The following CABIN1 variants were observed in gnomAD, a reference collection of about 807,000 sequenced individuals.
CABIN1 encodes calcineurin-binding protein cabin-1.
A neutral mutation model predicts 227.7 loss-of-function variants in CABIN1; 133 were observed. That is an observed-to-expected ratio of 0.58 (90% confidence interval 0.51 to 0.67). The LOEUF is 0.67. CABIN1 is among the 30% of genes least tolerant of loss of function. The pLI is 0.00. For missense variants in CABIN1, 2,408 were observed against 2,852.5 expected, an observed-to-expected ratio of 0.84 and a Z score of 3.55; for synonymous variants, 1,086 against 1,155.1, an observed-to-expected ratio of 0.94 and a Z score of 1.21.
intron 15 of CABIN1, among the ~76,000 whole-genome samples, chr22:24,065,139 C>CG (rs2039534906): frequency 7.0e-6 from 1 of 142,644 alleles, no homozygotes; most frequent in South Asian, 2.3e-4. Context: ...GCTGGCCGGG[C>CG]GGGGGCTGAC....
At chr22:24,122,346 CA>C (rs1213139686) in intron 28 of CABIN1, among the ~76,000 whole-genome samples, 1 of 152,048 alleles carries the variant, frequency 6.6e-6, no homozygotes, top group Non-Finnish European at 1.5e-5. Flanking sequence ...TGGCTTTTTT[CA>C]GATCTTAGAA....
intron 1 of CABIN1, among the ~76,000 whole-genome samples, chr22:24,028,228 C>T (rs997726805): frequency 1.3e-5 from 2 of 152,280 alleles, no homozygotes; most frequent in South Asian, 2.1e-4. Flanking sequence ...ATGACACTTA[C>T]CAACTTTCTT....
chr22:24,085,229 G>C, intron 22 of CABIN1, 78 bp downstream of exon 22: 1 of 1,497,268 alleles, frequency 6.7e-7, no homozygotes, highest in Non-Finnish European at 9.3e-7. Context: ...TCTTCAGTGG[G>C]CCACTTTGGG....
chr22:24,169,259 G>A (rs1391914070), intron 33 of CABIN1, among the ~76,000 whole-genome samples: 1 of 152,144 alleles, frequency 6.6e-6, no homozygotes, highest in East Asian at 1.9e-4. Flanking sequence ...CAAGCCAGAG[G>A]GTAGGTGGCA....
At position 24,134,346 on chromosome 22, in the gene CABIN1, G is replaced by A. The variant is rs145636161; in HGVS notation, c.4677G>A (p.Pro1559=). 14 of 1,614,050 alleles carry A rather than the reference G, an allele frequency of 8.7e-6. No individual in the cohort carries two copies. Among genetic ancestry groups the A allele is most frequent in the African/African-American group, 1.3e-5 (1 of 74,942 alleles). The change falls in exon 29 of 37, where the codon CCG becomes CCA. Residue 1559 remains proline, a synonymous_variant. Transcript: ENST00000263119. The part of the protein sequence containing the change: ...ARDVLLGSSI[P]WQQLQHMPAQ... ...ACGTGTTGCTAGGCAGCAGTATCCC[G>A]TGGCAACAACTGCAGCACATGCCGG...
In CABIN1 at chr22:24,169,078, G is replaced by A. The variant is rs148504335; in HGVS notation, c.5757+557G>A. ...TCCAGGCCAGGGCTGGGGAGGGGGG[G>A]GCGGGGTCCAAGATATGGCAGGGAG... On this transcript the variant is annotated intron_variant, in intron 33 of 36. Transcript: ENST00000263119. 7.9e-3 allele frequency among the ~76,000 whole-genome samples: 1,195 copies of A among 152,172 alleles called. 6 individuals are homozygous for A. Among genetic ancestry groups the A allele is most frequent in the South Asian group, 0.03 (143 of 4,822 alleles).
rs533759575 is a variant in CABIN1, at chr22:24,037,270, A to G, written c.97-1078A>G. 2.8e-4 allele frequency among the ~76,000 whole-genome samples: 43 copies of G among 151,650 alleles called. 1 individual carries two copies. The highest frequency in any genetic ancestry group is 9.4e-4 in the African/African-American group (39 of 41,400). ...GTGAGACCCCGTCTCAAAAAAAAAAAAAAAAAAAGAAAAGAAAACAATGGA... is the reference window on the plus strand; with the variant it reads ...GTGAGACCCCGTCTCAAAAAAAAAAGAAAAAAAAGAAAAGAAAACAATGGA... On this transcript the variant is annotated intron_variant, in intron 3 of 36. Coordinates refer to ENST00000263119, the MANE Select transcript of CABIN1 (RefSeq NM_012295.4).
At chr22:24,096,386 C>G (rs2041896202) in intron 25 of CABIN1, among the ~76,000 whole-genome samples, 1 of 152,240 alleles carries the variant, frequency 6.6e-6, no homozygotes, top group African/African-American at 2.4e-5. Flanking sequence ...GGGCACAGCT[C>G]TGTTCTGTGC....
Position 24,035,516 on chromosome 22 carries a change from A to C in CABIN1, c.-2A>C. On this transcript the variant is annotated 5_prime_UTR_variant, in exon 2 of 37. Transcript: ENST00000263119. ...TCGTGGCAGTGCTGAATCTCTCTGA[A>C]TATGGTAAGGACTGATGCCTGCCTA... is the stretch of plus-strand genomic sequence containing the variant. 6.2e-7 allele frequency: 1 copy of C among 1,614,128 alleles called. No homozygotes were observed. The highest frequency in any genetic ancestry group is 8.5e-7 in the Non-Finnish European group (1 of 1,180,016).
At position 24,096,048 on chromosome 22, in the gene CABIN1, G is replaced by T; in HGVS notation, c.3904G>T (p.Gly1302Cys). The change falls in exon 25 of 37, where the codon GGC becomes TGC. Residue 1302 changes from glycine to cysteine, a missense_variant. Transcript: ENST00000263119. ...KEAAEGPFAR[G>C]EEKNTPKASE... is the part of the protein sequence containing the mutation. ...GGCTGCAGAAGGACCCTTTGCCAGG[G>T]GCGAGGAGAAGAACACACCCAAAGC... 6.2e-7 allele frequency: 1 copy of T among 1,614,170 alleles called. No individual in the cohort carries two copies. Among genetic ancestry groups the T allele is most frequent in the African/African-American group, 1.3e-5 (1 of 75,034 alleles).
chr22:24,043,487 C>T (rs973879957), intron 6 of CABIN1, among the ~76,000 whole-genome samples: 1 of 151,936 alleles, frequency 6.6e-6, no homozygotes, highest in Non-Finnish European at 1.5e-5. Flanking sequence ...TATGTTGGCT[C>T]ACGCCTGTAA....
At chr22:24,109,283 G>A (rs2042683034) in intron 26 of CABIN1, among the ~76,000 whole-genome samples, 1 of 150,860 alleles carries the variant, frequency 6.6e-6, no homozygotes, top group African/African-American at 2.4e-5. Flanking sequence ...GGAGTGCAGT[G>A]GCACTATCAC....
chr22:24,099,606 A>G (rs1010047595), intron 26 of CABIN1, among the ~76,000 whole-genome samples: 4 of 152,168 alleles, frequency 2.6e-5, no homozygotes, highest in Admixed American at 2.6e-4. Flanking sequence ...AGTTAAGTTA[A>G]TCACCCTGTT....
chr22:24,050,729 A>G (rs2038259896), intron 7 of CABIN1, 96 bp from the exon 8 acceptor site: 3 of 1,444,378 alleles, frequency 2.1e-6, no homozygotes, highest in Admixed American at 1.7e-5. Context: ...AATACACATT[A>G]AAAGGTATTA....
intron 1 of CABIN1, among the ~76,000 whole-genome samples, chr22:24,026,881 A>T (rs1386298981): frequency 6.6e-6 from 1 of 152,202 alleles, no homozygotes; most frequent in Admixed American, 6.5e-5. Context: ...CTGGCCTTCC[A>T]TTAAATCTTT....
intron 29 of CABIN1, among the ~76,000 whole-genome samples, chr22:24,141,235 G>A (rs2044739111): frequency 6.6e-6 from 1 of 152,202 alleles, no homozygotes; most frequent in African/African-American, 2.4e-5. Flanking sequence ...GATGTGGATG[G>A]TGGCCTTAGC....
intron 26 of CABIN1, among the ~76,000 whole-genome samples, chr22:24,107,830 G>A (rs1248034468): frequency 6.6e-6 from 1 of 152,208 alleles, no homozygotes; most frequent in African/African-American, 2.4e-5. Context: ...GCCAGTCGGT[G>A]AAATCATCCT....
Position 24,177,186 on chromosome 22 carries a change from G to A in CABIN1, c.6206-318G>A, listed in dbSNP as rs1296807235. Among the ~76,000 whole-genome samples, 2 of 152,202 alleles carry A rather than the reference G, an allele frequency of 1.3e-5. No individual in the cohort carries two copies. The highest frequency in any genetic ancestry group is 2.1e-4 in the South Asian group (1 of 4,836). The stretch of plus-strand genomic sequence containing the variant: ...CATCCTAGGATGGTTGTGGAAATAC[G>A]ACAGTTCATGCAAGCATGATGCCTG... On this transcript the variant is annotated intron_variant, in intron 35 of 36. Transcript: ENST00000263119. This position sits in a 1 kb window ranked among gnomAD's most constrained non-coding sequence, Gnocchi z 4.4.
intron 22 of CABIN1, 49 bp from the exon 23 acceptor site, chr22:24,087,403 G>A (rs757755565): frequency 4.0e-5 from 65 of 1,607,938 alleles, no homozygotes; most frequent in Non-Finnish European, 5.3e-5. Context: ...TATCTTCCAT[G>A]CTTTTCATGT....
Sources: allele counts gnomAD v4.1 joint callset (sites outside exome capture counted in the v4.1 genomes callset), GRCh38; gene constraint gnomAD v4.1.1; non-coding constraint Gnocchi (gnomAD v3.1); transcripts MANE v1.5; gene names NCBI Gene and HGNC (gene_info 2026-07-23, HGNC 2026-07-21).